The following MAPKAP1 variants were observed in gnomAD, a reference collection of about 807,000 sequenced individuals.
The protein encoded by MAPKAP1 is MAPK associated protein 1, also known as target of rapamycin complex 2 subunit MAPKAP1.
Under a neutral mutation model 65.7 loss-of-function variants are expected in MAPKAP1, and 20 were observed. That is an observed-to-expected ratio of 0.30 (90% CI 0.21 to 0.44). The LOEUF is 0.44. MAPKAP1 is among the 20% of genes least tolerant of loss of function. The pLI is 1.00. For synonymous variants in MAPKAP1, 222 were observed against 244.3 expected (o/e 0.91, Z 0.85); for missense variants, 423 against 648.0 (o/e 0.65, Z 3.77).
At chr9:125,506,787 A>G (rs1446070990) in intron 7 of MAPKAP1, among the ~76,000 whole-genome samples, 1 of 152,232 alleles carries the variant, frequency 6.6e-6, no homozygotes, top group East Asian at 1.9e-4. Context: ...TGTAAGGATC[A>G]GAGGTGATGT....
chr9:125,597,965 T>C (rs540728655), intron 4 of MAPKAP1, among the ~76,000 whole-genome samples: 2 of 152,082 alleles, frequency 1.3e-5, no homozygotes, highest in Non-Finnish European at 2.9e-5. Flanking sequence ...CTAATGATAA[T>C]TAATGGACTT....
At chr9:125,629,548 T>C (rs1465078264) in intron 4 of MAPKAP1, among the ~76,000 whole-genome samples, 1 of 152,182 alleles carries the variant, frequency 6.6e-6, no homozygotes, top group African/African-American at 2.4e-5. Context: ...ATATATCTTA[T>C]GAGGGATCTA....
intron 5 of MAPKAP1, among the ~76,000 whole-genome samples, chr9:125,576,565 C>T (rs1831407139): frequency 6.6e-6 from 1 of 152,230 alleles, no homozygotes. Context: ...CCCTCTGATG[C>T]CCAGCCGAAG....
intron 9 of MAPKAP1, among the ~76,000 whole-genome samples, chr9:125,479,301 C>T (rs552326703): frequency 2.5e-4 from 38 of 152,138 alleles, no homozygotes; most frequent in African/African-American, 8.7e-4. Context: ...TGGTGGAGGC[C>T]GGGCACGGTG....
intron 4 of MAPKAP1, chr9:125,596,616 C>T: frequency 1.5e-6 from 1 of 658,132 alleles, no homozygotes. Flanking sequence ...ACAGCAGTGG[C>T]AGAAGATTTT....
chr9:125,562,838 A>C (rs781510289), intron 5 of MAPKAP1, among the ~76,000 whole-genome samples: 14 of 152,290 alleles, frequency 9.2e-5, no homozygotes, highest in East Asian at 1.9e-4. Flanking sequence ...TCAAGATTAA[A>C]CAGCATGTAA....
intron 4 of MAPKAP1, among the ~76,000 whole-genome samples, chr9:125,640,755 T>C (rs572405679): frequency 6.6e-6 from 1 of 152,208 alleles, no homozygotes; most frequent in Non-Finnish European, 1.5e-5. Context: ...GCAAGTGACA[T>C]GGTAAGTAAC....
At chr9:125,684,997 C>A (rs928493557) in intron 1 of MAPKAP1, among the ~76,000 whole-genome samples, 1 of 152,212 alleles carries the variant, frequency 6.6e-6, no homozygotes, top group African/African-American at 2.4e-5. Flanking sequence ...GCCCATTTCA[C>A]TGCACTTAGT....
intron 10 of MAPKAP1, among the ~76,000 whole-genome samples, chr9:125,458,162 G>C (rs528259405): frequency 1.3e-5 from 2 of 150,984 alleles, no homozygotes; most frequent in East Asian, 1.9e-4. Flanking sequence ...CATCACTTAC[G>C]ATAGAAAGGC....
intron 7 of MAPKAP1, among the ~76,000 whole-genome samples, chr9:125,538,864 C>T (rs750206591): frequency 9.9e-5 from 15 of 152,082 alleles, no homozygotes; most frequent in East Asian, 1.9e-4. Flanking sequence ...GCTACAGATA[C>T]GTTATGGATC....
Position 125,447,177 on chromosome 9 carries a change from CTGTG to C in MAPKAP1, c.1346-2583_1346-2580del, listed in dbSNP as rs1358482535. Reference sequence around the variant, plus strand: ...GAATGTATTTGGTTGCATGTGGAGGCTGTGTGTGTCTCCTGCCTATCCCCAGGGC... The same window carrying C: ...GAATGTATTTGGTTGCATGTGGAGGCTGTGTCTCCTGCCTATCCCCAGGGC... On this transcript the variant is annotated intron_variant, in intron 10 of 11. Transcript: ENST00000265960. This position sits in a 1 kb window ranked among gnomAD's most constrained non-coding sequence, Gnocchi z 4.5. 3.6e-6 allele frequency: 1 copy of C among 275,684 alleles called. No individual in the cohort carries two copies. Among genetic ancestry groups the C allele is most frequent in the Non-Finnish European group, 7.3e-6 (1 of 136,150 alleles). 17.1% of individuals were successfully genotyped at this position (275,684 alleles called of 1,614,324 possible). A position where few individuals can be genotyped will look rare whatever the true frequency, so the allele number is the denominator to read the frequency against.
At chr9:125,694,340 AG>A (rs1029273697) in intron 1 of MAPKAP1, among the ~76,000 whole-genome samples, 18 of 152,072 alleles carry the variant, frequency 1.2e-4, no homozygotes, top group African/African-American at 4.1e-4. Context: ...AAAAAAAAAA[AG>A]TTTTAAGAAA....
chr9:125,555,548 G>A (rs1258688565), intron 6 of MAPKAP1, among the ~76,000 whole-genome samples: 5 of 152,210 alleles, frequency 3.3e-5, no homozygotes, highest in African/African-American at 1.2e-4. Flanking sequence ...TATTTGAAAG[G>A]CAGGAACGGG....
intron 3 of MAPKAP1, among the ~76,000 whole-genome samples, chr9:125,659,733 CCT>C (rs1414786984): frequency 7.1e-6 from 1 of 140,594 alleles, no homozygotes; most frequent in Non-Finnish European, 1.6e-5. Context: ...AAAAAAAAAT[CCT>C]CTCTCTATCC....
intron 4 of MAPKAP1, among the ~76,000 whole-genome samples, chr9:125,587,043 A>G (rs1341643781): frequency 6.6e-6 from 1 of 152,234 alleles, no homozygotes; most frequent in Admixed American, 6.5e-5. Flanking sequence ...TGCTGGGACA[A>G]GTGGATAGCC....
intron 4 of MAPKAP1, among the ~76,000 whole-genome samples, chr9:125,607,011 A>G (rs1288636265): frequency 6.6e-6 from 1 of 152,200 alleles, no homozygotes; most frequent in Non-Finnish European, 1.5e-5. Flanking sequence ...AAGTCTGTTC[A>G]TCTTTCTAAG....
chr9:125,511,210 GTAA>G (rs1829292600), intron 7 of MAPKAP1, among the ~76,000 whole-genome samples: 1 of 151,122 alleles, frequency 6.6e-6, no homozygotes, highest in South Asian at 2.1e-4. Flanking sequence ...TCATCAGACT[GTAA>G]TAATACTAAG....
chr9:125,644,782 T>A (rs1396607541), intron 4 of MAPKAP1, among the ~76,000 whole-genome samples: 2 of 152,172 alleles, frequency 1.3e-5, no homozygotes, highest in Non-Finnish European at 2.9e-5. Flanking sequence ...CTGACAAAAA[T>A]TATTCATGGT....
At chr9:125,502,500 T>C (rs948482427) in intron 8 of MAPKAP1, among the ~76,000 whole-genome samples, 6 of 152,230 alleles carry the variant, frequency 3.9e-5, no homozygotes, top group African/African-American at 1.4e-4. Context: ...AAATTTTCAT[T>C]ATCTTTCAGT....
Sources: gnomAD v4.1 joint callset for allele counts (sites outside exome capture counted in the v4.1 genomes callset) on GRCh38, gnomAD v4.1.1 for gene constraint, Gnocchi (gnomAD v3.1) non-coding constraint, MANE v1.5 for transcripts, NCBI Gene and HGNC (gene_info 2026-07-23, HGNC 2026-07-21) for gene names.